The following KIAA0825 variants were observed in gnomAD, a reference collection of about 807,000 sequenced individuals.
KIAA0825 encodes the protein KIAA0825.
Under a neutral mutation model 147.6 loss-of-function variants are expected in KIAA0825, and 119 were observed. The ratio of observed to expected loss-of-function variants is 0.81; its 90% confidence interval spans 0.69 to 0.94. KIAA0825 has a LOEUF of 0.94. KIAA0825 is among the 40% of genes least tolerant of loss of function. The probability of loss-of-function intolerance (pLI) is 0.00; values close to 1 mark genes in which losing one functional copy is unlikely to be tolerated. For synonymous variants in KIAA0825, 470 were observed against 518.1 expected (o/e 0.91, Z 1.26); for missense variants, 1,381 against 1,472.7 (o/e 0.94, Z 1.02).
chr5:94,550,665 A>C (rs1775343796), intron 2 of KIAA0825, among the ~76,000 whole-genome samples: 1 of 152,128 alleles, frequency 6.6e-6, no homozygotes, highest in Admixed American at 6.5e-5. Context: ...ACACAGTGAA[A>C]CCTCGTCTCA....
intron 20 of KIAA0825, among the ~76,000 whole-genome samples, chr5:94,375,300 G>A (rs1413705073): frequency 1.3e-5 from 2 of 151,872 alleles, no homozygotes; most frequent in East Asian, 3.9e-4. Context: ...CAAAGCTCTG[G>A]GATTACAAGC....
rs143404178 is a variant in KIAA0825, at chr5:94,193,380, A to C, written c.3711-39256T>G. 6.3e-4 allele frequency among the ~76,000 whole-genome samples: 96 copies of C among 152,320 alleles called. 1 individual carries two copies. Among genetic ancestry groups the C allele is most frequent in the African/African-American group, 2.3e-3 (94 of 41,562 alleles). The stretch of plus-strand genomic sequence containing the variant: ...ACAAAATACATGTATTGACCCTTTA[A>C]ATCCTCACACTTATGAATTAGTATG... On this transcript the variant is annotated intron_variant, in intron 20 of 20. Coordinates refer to ENST00000682413, the MANE Select transcript of KIAA0825 (RefSeq NM_001145678.3).
intron 20 of KIAA0825, among the ~76,000 whole-genome samples, chr5:94,324,022 G>A (rs1019366507): frequency 1.3e-5 from 2 of 152,004 alleles, no homozygotes; most frequent in African/African-American, 4.8e-5. Flanking sequence ...AATGAAGAGA[G>A]CCTTCAAAGG....
intron 20 of KIAA0825, among the ~76,000 whole-genome samples, chr5:94,164,669 C>G (rs528441515): frequency 6.6e-6 from 1 of 152,086 alleles, no homozygotes. Flanking sequence ...CCTCAGCCTC[C>G]CAAAGTGCTG....
At chr5:94,171,580 G>T (rs949656338) in intron 20 of KIAA0825, among the ~76,000 whole-genome samples, 3 of 152,116 alleles carry the variant, frequency 2.0e-5, no homozygotes, top group African/African-American at 7.2e-5. Context: ...ATAAATATTT[G>T]TTAAGTGAAT....
At chr5:94,327,106 A>G (rs1049233900) in intron 20 of KIAA0825, among the ~76,000 whole-genome samples, 2 of 152,230 alleles carry the variant, frequency 1.3e-5, no homozygotes, top group African/African-American at 2.4e-5. Context: ...AAGGAATACT[A>G]CATGGGGATT....
chr5:94,589,062 C>A (rs1369886827), intron 1 of KIAA0825, among the ~76,000 whole-genome samples: 1 of 152,102 alleles, frequency 6.6e-6, no homozygotes, highest in African/African-American at 2.4e-5. Context: ...GGAGAAATAC[C>A]TAATGTAAAA....
At chr5:94,355,905 T>G (rs1386139833) in intron 20 of KIAA0825, among the ~76,000 whole-genome samples, 1 of 152,174 alleles carries the variant, frequency 6.6e-6, no homozygotes, top group Non-Finnish European at 1.5e-5. Flanking sequence ...AAATAGTAGG[T>G]GAAAACTAGT....
intron 2 of KIAA0825, among the ~76,000 whole-genome samples, chr5:94,581,249 G>A (rs549025463): frequency 6.6e-6 from 1 of 152,296 alleles, no homozygotes; most frequent in African/African-American, 2.4e-5. Context: ...CCAACGTCAT[G>A]TCTTGTTATT....
chr5:94,595,773 T>C (rs1003708378), intron 1 of KIAA0825, among the ~76,000 whole-genome samples: 1 of 152,210 alleles, frequency 6.6e-6, no homozygotes, highest in African/African-American at 2.4e-5. Flanking sequence ...TAAAACTGAA[T>C]GCTTTTAAGG....
In KIAA0825 at chr5:94,152,512, A is replaced by AC. The variant is rs1303140528; in HGVS notation, c.*1494dup. On this transcript the variant is annotated 3_prime_UTR_variant, in exon 21 of 21. Coordinates refer to ENST00000682413, the MANE Select transcript of KIAA0825 (RefSeq NM_001145678.3). The stretch of plus-strand genomic sequence containing the variant: ...AGTCCAGCCTGGGCAACATAGTGAG[A>AC]CCCCATCTCTACAAAAACATTTTAA... Among the ~76,000 whole-genome samples the AC allele has an allele frequency of 6.6e-6, 1 of 151,838 alleles. No homozygotes were observed. Among genetic ancestry groups the AC allele is most frequent in the African/African-American group, 2.4e-5 (1 of 41,310 alleles).
At chr5:94,215,114 A>G (rs929190641) in intron 20 of KIAA0825, among the ~76,000 whole-genome samples, 1 of 152,300 alleles carries the variant, frequency 6.6e-6, no homozygotes, top group East Asian at 1.9e-4. Flanking sequence ...GTGCCAGGTG[A>G]CAAGTGTTCA....
chr5:94,522,413 C>T (rs1584768043), intron 4 of KIAA0825, among the ~76,000 whole-genome samples: 2 of 151,638 alleles, frequency 1.3e-5, no homozygotes, highest in Non-Finnish European at 3.0e-5. Flanking sequence ...CATACTGGTG[C>T]CTCTGCCTTG....
intron 20 of KIAA0825, among the ~76,000 whole-genome samples, chr5:94,246,931 T>C (rs112629703): frequency 3.9e-5 from 6 of 152,282 alleles, no homozygotes; most frequent in African/African-American, 7.2e-5. Flanking sequence ...GTGAAAGATA[T>C]ACAGTTTGGA....
chr5:94,377,530 G>A (rs901386871), intron 20 of KIAA0825, among the ~76,000 whole-genome samples: 1 of 152,176 alleles, frequency 6.6e-6, no homozygotes, highest in Non-Finnish European at 1.5e-5. Flanking sequence ...TCATTCTCTA[G>A]TCTGGATTTA....
chr5:94,576,854 C>T (rs957330396), intron 2 of KIAA0825, among the ~76,000 whole-genome samples: 6 of 152,010 alleles, frequency 3.9e-5, no homozygotes, highest in African/African-American at 2.4e-5. Context: ...ATGTAAGTTA[C>T]AGAGCTAATA....
At chr5:94,339,310 C>G (rs2150321801) in intron 20 of KIAA0825, among the ~76,000 whole-genome samples, 1 of 152,114 alleles carries the variant, frequency 6.6e-6, no homozygotes, top group African/African-American at 2.4e-5. Context: ...TATTTTCTTC[C>G]CAGATGAGTT....
chr5:94,451,737 T>C (rs1014568163), intron 13 of KIAA0825, among the ~76,000 whole-genome samples: 6 of 152,182 alleles, frequency 3.9e-5, no homozygotes, highest in African/African-American at 1.4e-4. Flanking sequence ...TACAGAGTTA[T>C]GCCTAAAAGA....
intron 2 of KIAA0825, among the ~76,000 whole-genome samples, chr5:94,565,262 T>C (rs1054436935): frequency 1.3e-5 from 2 of 151,196 alleles, no homozygotes; most frequent in African/African-American, 4.9e-5. Context: ...CATCACCTTC[T>C]AACTCATTCT....
Sources: allele counts gnomAD v4.1 joint callset (sites outside exome capture counted in the v4.1 genomes callset), GRCh38; gene constraint gnomAD v4.1.1; transcripts MANE v1.5; gene names NCBI Gene and HGNC (gene_info 2026-07-23, HGNC 2026-07-21).